AGBL3: variants seen among roughly 807,000 people sequenced by gnomAD.
The protein encoded by AGBL3 is cytosolic carboxypeptidase 3.
AGBL3 carries 68 observed loss-of-function variants against 94.5 expected under a neutral mutation model. That is an observed-to-expected ratio of 0.72 (90% CI 0.59 to 0.88). AGBL3 has a LOEUF of 0.88. Ranked by LOEUF, AGBL3 falls within the 40% of genes least tolerant of loss-of-function variation. The pLI is 0.00. For synonymous variants in AGBL3, 354 were observed against 370.7 expected (o/e 0.95, Z 0.52); for missense variants, 934 against 1,103.8 (o/e 0.85, Z 2.18).
intron 16 of AGBL3, among the ~76,000 whole-genome samples, chr7:135,127,407 C>T (rs900767912): frequency 1.3e-5 from 2 of 151,946 alleles, no homozygotes; most frequent in African/African-American, 2.4e-5. Context: ...AAAAAATTAG[C>T]CGGGGTGTGG....
At chr7:135,036,534 T>C (rs1584907857) in intron 7 of AGBL3, among the ~76,000 whole-genome samples, 1 of 152,240 alleles carries the variant, frequency 6.6e-6, no homozygotes, top group East Asian at 1.9e-4. Flanking sequence ...TGGGTACTTA[T>C]TATGTGCATA....
At chr7:135,013,114 G>A (rs1813358446) in intron 4 of AGBL3, among the ~76,000 whole-genome samples, 1 of 152,044 alleles carries the variant, frequency 6.6e-6, no homozygotes, top group Non-Finnish European at 1.5e-5. Flanking sequence ...ATGGACAAAA[G>A]ACTCGAACAG....
chr7:135,068,333 T>C (rs1236542537), intron 12 of AGBL3, among the ~76,000 whole-genome samples: 1 of 152,072 alleles, frequency 6.6e-6, no homozygotes, highest in Non-Finnish European at 1.5e-5. Context: ...CCAGGAGAAC[T>C]TCCCCAATCT....
chr7:135,052,947 G>C (rs1423385695), intron 11 of AGBL3, among the ~76,000 whole-genome samples: 2 of 151,988 alleles, frequency 1.3e-5, no homozygotes, highest in African/African-American at 4.8e-5. Context: ...ATTCCATGTT[G>C]GTTATTTCGG....
chr7:134,994,555 A>G (rs1810737145), intron 4 of AGBL3, among the ~76,000 whole-genome samples: 1 of 152,154 alleles, frequency 6.6e-6, no homozygotes, highest in African/African-American at 2.4e-5. Flanking sequence ...GAGGCACGCA[A>G]ACATATGTTA....
rs759611158 is a variant in AGBL3 at position 134,993,481 on chromosome 7, T to C, written c.125-12T>C. 14 of 1,527,506 alleles carry C rather than the reference T, an allele frequency of 9.2e-6. No individual in the cohort carries two copies. In the South Asian group the frequency reaches 1.6e-4, roughly 18 times the overall value. The allele number at this position is 1,527,506 out of a possible 1,614,324, so 94.6% of individuals were successfully genotyped here. ...CTTCCCACTCATGATTGTGTTTGAA[T>C]CTTTTTCTCAGCTGACTCTTTTGGT... On this transcript the variant is annotated splice_polypyrimidine_tract_variant and intron_variant, in intron 3 of 16. Coordinates refer to ENST00000436302, the MANE Select transcript of AGBL3 (RefSeq NM_178563.4).
chr7:135,105,104 C>T (rs1177535578), intron 15 of AGBL3, among the ~76,000 whole-genome samples: 5 of 131,138 alleles, frequency 3.8e-5, no homozygotes, highest in African/African-American at 2.8e-5. Flanking sequence ...GAGTCTTGCT[C>T]TTTCACCCAG....
intron 15 of AGBL3, among the ~76,000 whole-genome samples, chr7:135,108,076 C>A (rs907513259): frequency 2.0e-5 from 3 of 152,096 alleles, no homozygotes; most frequent in Non-Finnish European, 4.4e-5. Context: ...AGATTCTTCT[C>A]CATCCCTTTA....
chr7:135,116,601 G>A (rs1324426560), intron 16 of AGBL3, among the ~76,000 whole-genome samples: 1 of 152,170 alleles, frequency 6.6e-6, no homozygotes, highest in East Asian at 1.9e-4. Context: ...GACACCCTGG[G>A]GGAGGAGAGA....
chr7:134,993,623 C>T lies in AGBL3; in HGVS notation c.255C>T (p.Ser85=), dbSNP rs900084341. The T allele has an allele frequency of 1.0e-5, 16 of 1,552,082 alleles. No homozygotes were observed. In the Middle Eastern group the frequency reaches 8.3e-4, roughly 81 times the overall value. Residue 85 remains serine (S), a synonymous_variant, in exon 4 of 17, where the codon AGC becomes AGT. Coordinates refer to ENST00000436302, the MANE Select transcript of AGBL3 (RefSeq NM_178563.4). The part of the protein sequence containing the change: ...LYGVSSSGPL[S]PTRWPYHCEV... ...GTGTCTCTTCTTCTGGTCCATTGAGCCCAACACGGTGGCCATACCATTGTG... is the reference window on the plus strand; with the variant it reads ...GTGTCTCTTCTTCTGGTCCATTGAGTCCAACACGGTGGCCATACCATTGTG...
At chr7:135,066,862 TCTC>T (rs2116741573) in intron 12 of AGBL3, among the ~76,000 whole-genome samples, 1 of 152,300 alleles carries the variant, frequency 6.6e-6, no homozygotes, top group South Asian at 2.1e-4. Flanking sequence ...ACAGGGTTCA[TCTC>T]AATGGGGATG....
chr7:135,052,965 G>GT (rs1182193737), intron 11 of AGBL3, among the ~76,000 whole-genome samples: 1 of 152,126 alleles, frequency 6.6e-6, no homozygotes, highest in Non-Finnish European at 1.5e-5. Flanking sequence ...CGGAAACTTT[G>GT]TAACATCTGA....
chr7:135,019,876 T>C (rs1203033708), intron 5 of AGBL3, among the ~76,000 whole-genome samples: 1 of 152,228 alleles, frequency 6.6e-6, no homozygotes, highest in African/African-American at 2.4e-5. Flanking sequence ...AAGCTGAAAC[T>C]GGATCCATTC....
chr7:135,025,439 C>G (rs1318142244), intron 5 of AGBL3, among the ~76,000 whole-genome samples: 4 of 151,510 alleles, frequency 2.6e-5, no homozygotes, highest in Non-Finnish European at 5.9e-5. Context: ...ATCACTAGAC[C>G]AGCCTTACAA....
intron 11 of AGBL3, chr7:135,051,167 C>T: frequency 4.1e-6 from 1 of 246,018 alleles, no homozygotes; most frequent in Non-Finnish European, 8.0e-6. Context: ...GAGTACAGTA[C>T]TTACAGGAAA....
intron 5 of AGBL3, among the ~76,000 whole-genome samples, chr7:135,031,005 A>G (rs1419616805): frequency 6.6e-6 from 1 of 151,780 alleles, no homozygotes; most frequent in African/African-American, 2.4e-5. Flanking sequence ...CATTTGGTTC[A>G]GTTTTGTTTT....
intron 2 of AGBL3, 96 bp downstream of exon 2, chr7:134,988,092 A>C: frequency 1.0e-6 from 1 of 965,462 alleles, no homozygotes; most frequent in Non-Finnish European, 1.5e-6. Flanking sequence ...TATAAAAATC[A>C]ATTGGATGTT....
Position 135,045,781 on chromosome 7 carries a change from T to C in AGBL3, c.1729-18T>C, listed in dbSNP as rs751259842. 1 of 1,489,964 alleles carries C rather than the reference T, an allele frequency of 6.7e-7. No individual in the cohort carries two copies. Among genetic ancestry groups the C allele is most frequent in the East Asian group, 2.5e-5 (1 of 40,622 alleles). The allele number at this position is 1,489,964 out of a possible 1,614,324, so 92.3% of individuals were successfully genotyped here. ...ATAAAGTTATTTCATAATGAGCTCA[T>C]TTATTACTTTTGCCTAGTATTATCG... On this transcript the variant is annotated intron_variant, in intron 10 of 16. Transcript: ENST00000436302.
intron 14 of AGBL3, 36 bp downstream of exon 14, chr7:135,080,296 A>G (rs1382070725): frequency 3.9e-6 from 6 of 1,519,498 alleles, no homozygotes; most frequent in Admixed American, 3.9e-5. Context: ...TAAACAATTA[A>G]TTCATTTACT....
Sources: gnomAD v4.1 joint callset for allele counts (sites outside exome capture counted in the v4.1 genomes callset) on GRCh38, gnomAD v4.1.1 for gene constraint, MANE v1.5 for transcripts, NCBI Gene and HGNC (gene_info 2026-07-23, HGNC 2026-07-21) for gene names.